The following NLGN1 variants were observed in gnomAD, a reference collection of about 807,000 sequenced individuals.
NLGN1 encodes the protein neuroligin 1.
A neutral mutation model predicts 65.5 loss-of-function variants in NLGN1; 12 were observed. The ratio of observed to expected loss-of-function variants is 0.18; its 90% CI spans 0.12 to 0.30. NLGN1 has a LOEUF of 0.30. Ranked by LOEUF, NLGN1 falls within the 10% of genes least tolerant of loss-of-function variation. NLGN1 has a pLI of 1.00. For missense variants in NLGN1, 750 were observed against 1,007.1 expected (o/e 0.74, Z 3.46); for synonymous variants, 350 against 359.5 (o/e 0.97, Z 0.30).
At chr3:173,526,166 A>T (rs1240909851) in intron 2 of NLGN1, among the ~76,000 whole-genome samples, 1 of 152,062 alleles carries the variant, frequency 6.6e-6, no homozygotes, top group East Asian at 1.9e-4. Flanking sequence ...TGGGGTGTTG[A>T]AGTCCCTACT....
At chr3:174,177,117 A>G (rs978193944) in intron 4 of NLGN1, among the ~76,000 whole-genome samples, 2 of 152,136 alleles carry the variant, frequency 1.3e-5, no homozygotes, top group South Asian at 4.1e-4. Flanking sequence ...AGCTGTGCAC[A>G]ATACTCAAAA....
chr3:173,842,207 G>A (rs557849113), intron 4 of NLGN1, among the ~76,000 whole-genome samples: 1 of 152,116 alleles, frequency 6.6e-6, no homozygotes, highest in African/African-American at 2.4e-5. Context: ...CAGAAAAGAC[G>A]AGCCCACATA....
intron 4 of NLGN1, among the ~76,000 whole-genome samples, chr3:174,163,067 T>C (rs1345703194): frequency 2.0e-5 from 3 of 151,854 alleles, no homozygotes; most frequent in Admixed American, 6.6e-5. Flanking sequence ...ACAGATGAAA[T>C]TAAGCTTTAC....
intron 4 of NLGN1, among the ~76,000 whole-genome samples, chr3:173,884,346 C>A (rs1044467049): frequency 4.6e-5 from 7 of 152,112 alleles, no homozygotes; most frequent in Non-Finnish European, 8.8e-5. Context: ...GCAAACATCC[C>A]GTCCTAGTCT....
chr3:173,521,691 A>G (rs1381042085), intron 2 of NLGN1, among the ~76,000 whole-genome samples: 1 of 152,210 alleles, frequency 6.6e-6, no homozygotes. Context: ...CCTAGTAATA[A>G]TAATAATGAA....
chr3:173,738,799 A>G (rs1774167707), intron 3 of NLGN1, among the ~76,000 whole-genome samples: 1 of 152,048 alleles, frequency 6.6e-6, no homozygotes, highest in Non-Finnish European at 1.5e-5. Context: ...TTTTGATTAA[A>G]ATGTGTTGAA....
intron 4 of NLGN1, among the ~76,000 whole-genome samples, chr3:174,055,294 C>A (rs1735818849): frequency 6.6e-6 from 1 of 151,336 alleles, no homozygotes; most frequent in Admixed American, 6.6e-5. Context: ...TAGGGAGATA[C>A]TGATTCTGGT....
At chr3:173,700,046 A>G (rs1400517591) in intron 3 of NLGN1, among the ~76,000 whole-genome samples, 1 of 152,202 alleles carries the variant, frequency 6.6e-6, no homozygotes, top group Non-Finnish European at 1.5e-5. Flanking sequence ...AACTCCACAT[A>G]GTTAGTTATT....
intron 4 of NLGN1, among the ~76,000 whole-genome samples, chr3:174,196,072 A>G (rs1733355993): frequency 6.6e-6 from 1 of 152,208 alleles, no homozygotes; most frequent in African/African-American, 2.4e-5. Context: ...TAGACAGACT[A>G]TATTTTAGAA....
chr3:174,238,360 C>CT (rs139629517), intron 4 of NLGN1, among the ~76,000 whole-genome samples: 540 of 147,614 alleles, frequency 3.7e-3, no homozygotes, highest in Non-Finnish European at 3.9e-3. Flanking sequence ...TTATGAAGTT[C>CT]TTTTTTTTTT....
intron 4 of NLGN1, among the ~76,000 whole-genome samples, chr3:174,169,684 G>A (rs1728165999): frequency 6.6e-6 from 1 of 152,072 alleles, no homozygotes; most frequent in Non-Finnish European, 1.5e-5. Flanking sequence ...GAGACAGAGT[G>A]GGGCACCCAG....
chr3:174,051,377 G>A (rs1039858890), intron 4 of NLGN1, among the ~76,000 whole-genome samples: 1 of 152,066 alleles, frequency 6.6e-6, no homozygotes, highest in African/African-American at 2.4e-5. Flanking sequence ...GGATTTCACT[G>A]ATGAGACGGT....
At chr3:173,615,855 A>C (rs1158131714) in intron 3 of NLGN1, among the ~76,000 whole-genome samples, 1 of 144,968 alleles carries the variant, frequency 6.9e-6, no homozygotes, top group African/African-American at 2.6e-5. Context: ...TGTTGCTTCC[A>C]GAAGTAAAAA....
At chr3:173,541,711 GA>G (rs1738893267) in intron 2 of NLGN1, among the ~76,000 whole-genome samples, 1 of 152,096 alleles carries the variant, frequency 6.6e-6, no homozygotes, top group East Asian at 1.9e-4. Flanking sequence ...ACTTTACATA[GA>G]AATTATTTTT....
At chr3:174,237,456 C>T (rs1029698354) in intron 4 of NLGN1, among the ~76,000 whole-genome samples, 6 of 152,190 alleles carry the variant, frequency 3.9e-5, no homozygotes, top group African/African-American at 1.4e-4. Flanking sequence ...AGCTGCAATT[C>T]ACCTTCAAGT....
At chr3:173,895,079 G>C (rs75158731) in intron 4 of NLGN1, among the ~76,000 whole-genome samples, 2,343 of 152,214 alleles carry the variant, frequency 0.015, 66 homozygotes, top group African/African-American at 0.053. Flanking sequence ...GTGCCGGGAG[G>C]GGGGGAGTTG....
intron 2 of NLGN1, among the ~76,000 whole-genome samples, chr3:173,532,148 G>A (rs896199390): frequency 1.3e-5 from 2 of 152,056 alleles, no homozygotes; most frequent in Non-Finnish European, 2.9e-5. Context: ...CTTTTACTCT[G>A]TTCTTGTCTT....
Position 173,976,792 on chromosome 3 carries a change from T to C in NLGN1, c.646+168960T>C, listed in dbSNP as rs899275593. Among the ~76,000 whole-genome samples, 2 of 152,036 alleles carry C rather than the reference T, an allele frequency of 1.3e-5. 1 individual carries two copies. Among genetic ancestry groups the C allele is most frequent in the African/African-American group, 4.8e-5 (2 of 41,418 alleles). On this transcript the variant is annotated intron_variant, in intron 4 of 6. Coordinates refer to ENST00000457714, the Ensembl canonical transcript of NLGN1. ...ATTTCCTCATGCACACATTGGCAGT[T>C]CTATCCATCTTTCCTCACAGATACT...
intron 4 of NLGN1, among the ~76,000 whole-genome samples, chr3:173,829,921 G>A (rs1297055563): frequency 6.6e-6 from 1 of 150,614 alleles, no homozygotes; most frequent in African/African-American, 2.5e-5. Context: ...ACAGTAAATA[G>A]CTAATTGATC....
Sources: gnomAD v4.1 joint callset for allele counts (sites outside exome capture counted in the v4.1 genomes callset) on GRCh38, gnomAD v4.1.1 for gene constraint, MANE v1.5 for transcripts, NCBI Gene and HGNC (gene_info 2026-07-23, HGNC 2026-07-21) for gene names.